TMUB2: variants seen among roughly 807,000 people sequenced by gnomAD.
The protein encoded by TMUB2 is transmembrane and ubiquitin-like domain-containing protein 2.
TMUB2 carries 19 observed loss-of-function variants against 20.2 expected under a neutral mutation model. That is an observed-to-expected ratio of 0.94 (90% CI 0.66 to 1.38). TMUB2 has a LOEUF of 1.38. Ranked by LOEUF, TMUB2 falls within the 40% of genes most tolerant of loss-of-function variation. TMUB2 has a pLI of 0.00. For missense variants in TMUB2, 426 were observed against 402.5 expected (o/e 1.06, Z -0.50); for synonymous variants, 186 against 166.0 (o/e 1.12, Z -0.92).
intron 2 of TMUB2, chr17:44,187,958 G>A (rs1474985381): frequency 3.5e-6 from 2 of 573,412 alleles, no homozygotes; most frequent in Non-Finnish European, 3.1e-6. Context: ...TCAGTACCAA[G>A]AGAAATACAT....
At chr17:44,188,089 G>T in intron 2 of TMUB2, 1 of 253,070 alleles carries the variant, frequency 4.0e-6, no homozygotes, top group South Asian at 6.0e-5. Flanking sequence ...TTTGCCCAGG[G>T]ACAGCTGTGA....
intron 2 of TMUB2, among the ~76,000 whole-genome samples, chr17:44,188,562 G>C (rs2054829351): frequency 6.6e-6 from 1 of 152,140 alleles, no homozygotes; most frequent in Non-Finnish European, 1.5e-5. Flanking sequence ...AGTGCTTCCA[G>C]GGGGGCCCCA....
In TMUB2 at chr17:44,191,465, AT is replaced by A. The variant is rs936725718; in HGVS notation, c.*608del. ...AAGCACTTTGCTTGCATTTTATTTT[AT>A]TTTTTTAAGAGTCCTTCATAGAGCT... On this transcript the variant is annotated 3_prime_UTR_variant, in exon 4 of 4. Coordinates refer to ENST00000538716, the MANE Select transcript of TMUB2 (RefSeq NM_001076674.3). 11 of 985,724 alleles carry A rather than the reference AT, an allele frequency of 1.1e-5. No homozygotes were observed. Among genetic ancestry groups the A allele is most frequent in the Middle Eastern group, 5.2e-4 (1 of 1,914 alleles). 61.1% of individuals were successfully genotyped at this position (985,724 alleles called of 1,614,324 possible). A position where few individuals can be genotyped will look rare whatever the true frequency, so the allele number is the denominator to read the frequency against.
At position 44,187,680 on chromosome 17, in the gene TMUB2, C is replaced by T. The variant is rs1212898610; in HGVS notation, c.-29C>T. The T allele has an allele frequency of 1.4e-6, 1 of 718,528 alleles. No homozygotes were observed. Among genetic ancestry groups the T allele is most frequent in the South Asian group, 1.5e-5 (1 of 67,600 alleles). The allele number at this position is 718,528 out of a possible 1,614,324, so 44.5% of individuals were successfully genotyped here. A position where few individuals can be genotyped will look rare whatever the true frequency, so the allele number is the denominator to read the frequency against. On this transcript the variant is annotated 5_prime_UTR_variant, in exon 2 of 4. Transcript: ENST00000538716. ...TTAAGCAATTGCAATTTGCAGTGTG[C>T]CAGGCACTGTGCCAAGTATTTTGCT... is the stretch of plus-strand genomic sequence containing the variant.
chr17:44,189,558 G>A lies in TMUB2; in HGVS notation c.572G>A (p.Arg191Lys), dbSNP rs1405484543. Residue 191 changes from arginine to lysine, a missense_variant, in exon 3 of 4, where the codon AGG (arginine) becomes AAG (lysine). Physicochemically the swap from Arg to Lys is conservative, Grantham distance 26 (BLOSUM62 2). Transcript: ENST00000538716. Reference sequence around the variant, plus strand: ...GATACCGAGGAGCTGGCTGTGGCTAGGCCAGAGGATACCGTGGGTGCCCTG... The same window carrying A: ...GATACCGAGGAGCTGGCTGTGGCTAAGCCAGAGGATACCGTGGGTGCCCTG... ...LNDTEELAVA[R>K]PEDTVGALKS... 2 of 1,606,746 alleles carry A rather than the reference G, an allele frequency of 1.2e-6. No individual in the cohort carries two copies. Among genetic ancestry groups the A allele is most frequent in the African/African-American group, 1.3e-5 (1 of 74,886 alleles).
intron 3 of TMUB2, 103 bp from the exon 4 acceptor site, chr17:44,190,398 C>T (rs2055342374): frequency 2.6e-6 from 3 of 1,150,002 alleles, no homozygotes; most frequent in Non-Finnish European, 3.6e-6. Context: ...AAAAAAAATC[C>T]ACCCTCCAGT....
At chr17:44,188,575 G>T (rs1451470638) in intron 2 of TMUB2, among the ~76,000 whole-genome samples, 1 of 152,194 alleles carries the variant, frequency 6.6e-6, no homozygotes, top group African/African-American at 2.4e-5. Context: ...GGGCCCCACA[G>T]TAAAATATTC....
At chr17:44,188,107 A>G (rs2054746932) in intron 2 of TMUB2, 1 of 231,270 alleles carries the variant, frequency 4.3e-6, no homozygotes, top group Admixed American at 5.2e-5. Flanking sequence ...TGAAAGCAGC[A>G]GATTCTCCAA....
intron 1 of TMUB2, chr17:44,187,475 C>T: frequency 3.4e-6 from 2 of 580,322 alleles, no homozygotes; most frequent in Non-Finnish European, 6.2e-6. Flanking sequence ...GAGCAAAGAC[C>T]CCTGAGGCCG....
intron 3 of TMUB2, 62 bp downstream of exon 3, chr17:44,189,650 A>G: frequency 6.9e-7 from 1 of 1,449,428 alleles, no homozygotes; most frequent in Non-Finnish European, 9.2e-7. Flanking sequence ...GTTGCCTCTA[A>G]GGAGGCTGGT....
chr17:44,189,122 A>T lies in TMUB2; in HGVS notation c.136A>T (p.Ile46Phe). 6.2e-7 allele frequency: 1 copy of T among 1,613,976 alleles called. No homozygotes were observed. Among genetic ancestry groups the T allele is most frequent in the South Asian group, 1.1e-5 (1 of 91,072 alleles). The change falls in exon 3 of 4, where the codon ATT (isoleucine) becomes TTT (phenylalanine). Residue 46 changes from isoleucine to phenylalanine, a missense_variant. Physicochemically the swap from Ile to Phe is conservative, Grantham distance 21. Transcript: ENST00000538716. The part of the protein sequence containing the change: ...VMVVAGVVVL[I>F]LALVLAWLST... The stretch of plus-strand genomic sequence containing the variant: ...GGTGGTGGCAGGTGTGGTGGTGCTG[A>T]TTCTAGCCTTGGTCCTAGCTTGGCT...
chr17:44,188,866 G>C, intron 2 of TMUB2, 156 bp from the exon 3 acceptor site: 15 of 1,312,102 alleles, frequency 1.1e-5, no homozygotes, highest in Non-Finnish European at 1.5e-5. Context: ...GTTTAGGTTG[G>C]GGTGCCGGAA....
chr17:44,187,020 C>T lies in TMUB2; in HGVS notation c.-123C>T, dbSNP rs1240274430. The T allele has an allele frequency of 1.3e-5, 2 of 152,668 alleles. No homozygotes were observed. Among genetic ancestry groups the T allele is most frequent in the Non-Finnish European group, 2.9e-5 (2 of 68,174 alleles). 9.5% of individuals were successfully genotyped at this position (152,668 alleles called of 1,614,324 possible). On this transcript the variant is annotated 5_prime_UTR_variant, in exon 1 of 4. Transcript: ENST00000538716. ...AGAGACCGGACCCTGAACAGAATCG[C>T]AGATTGCCAGCCCTTTTCCCGACCC... is the stretch of plus-strand genomic sequence containing the variant.
chr17:44,189,262 C>T lies in TMUB2; in HGVS notation c.276C>T (p.Gly92=). ...GHVDHLVAGQ[G]NPEPTELPHP... ...TGGACCACCTGGTGGCAGGCCAAGG[C>T]AACCCCGAGCCAACTGAACTCCCCC... The change falls in exon 3 of 4, where the codon GGC becomes GGT. Residue 92 remains glycine, a synonymous_variant. Coordinates refer to ENST00000538716, the MANE Select transcript of TMUB2 (RefSeq NM_001076674.3). 2 of 1,607,490 alleles carry T rather than the reference C, an allele frequency of 1.2e-6. No individual in the cohort carries two copies. Among genetic ancestry groups the T allele is most frequent in the East Asian group, 2.2e-5 (1 of 44,844 alleles).
At chr17:44,187,628 G>A in intron 1 of TMUB2, 48 bp from the exon 2 acceptor site, 1 of 714,414 alleles carries the variant, frequency 1.4e-6, no homozygotes, top group Non-Finnish European at 2.6e-6. Flanking sequence ...GGTTAGTTGT[G>A]GTTGTGATAA....
In TMUB2 at chr17:44,189,039, G is replaced by A; in HGVS notation, c.53G>A (p.Ser18Asn). The A allele has an allele frequency of 6.2e-7, 1 of 1,613,500 alleles. No homozygotes were observed. Among genetic ancestry groups the A allele is most frequent in the Non-Finnish European group, 8.5e-7 (1 of 1,179,718 alleles). ...TCCTGCAGCGTGGACCCTGCCAGCA[G>A]CCAGGCCATGGAGCTCTCTGATGTC... ...NNLMSVDPAS[S>N]QAMELSDVTL... Residue 18 changes from serine to asparagine, a missense_variant, in exon 3 of 4, where the codon AGC (serine) becomes AAC (asparagine). Physicochemically the swap from Ser to Asn is conservative, Grantham distance 46 (BLOSUM62 1). Coordinates refer to ENST00000538716, the MANE Select transcript of TMUB2 (RefSeq NM_001076674.3).
At position 44,190,775 on chromosome 17, in the gene TMUB2, C is replaced by T. The variant is rs370852137; in HGVS notation, c.877C>T (p.Arg293Cys). The T allele has an allele frequency of 1.4e-5, 23 of 1,614,074 alleles. No homozygotes were observed. The African/African-American group carries it at 1.6e-4, about 11-fold the overall frequency. ...GVVWYFRINY[R>C]QFFTAPATVS... is the part of the protein sequence containing the mutation. ...GGTCTGGTACTTCCGAATCAATTAC[C>T]GCCAATTCTTCACAGCACCTGCCAC... The change falls in exon 4 of 4, where the codon CGC (arginine) becomes TGC (cysteine). Residue 293 changes from arginine (R) to cysteine (C), a missense_variant. Physicochemically the swap from Arg to Cys is radical, Grantham distance 180. Coordinates refer to ENST00000538716, the MANE Select transcript of TMUB2 (RefSeq NM_001076674.3).
Position 44,190,706 on chromosome 17 carries a change from G to C in TMUB2, c.808G>C (p.Val270Leu). The C allele has an allele frequency of 6.2e-7, 1 of 1,614,206 alleles. No homozygotes were observed. Among genetic ancestry groups the C allele is most frequent in the Non-Finnish European group, 8.5e-7 (1 of 1,180,046 alleles). Residue 270 changes from valine (V) to leucine (L), a missense_variant, in exon 4 of 4, where the codon GTG becomes CTG. Transcript: ENST00000538716. ...TGAGCCACCCAGCCTTGGTGTCAAT[G>C]TGGGCAGCCTCATGGTGCCTGTCTT... ...ATEPPSLGVNVGSLMVPVFVV... is the reference protein window; with the variant it reads ...ATEPPSLGVNLGSLMVPVFVV...
intron 3 of TMUB2, chr17:44,190,120 G>GGA (rs901397663): frequency 5.5e-6 from 1 of 181,258 alleles, no homozygotes; most frequent in African/African-American, 2.4e-5. Flanking sequence ...GCCAAGGCGG[G>GGA]CAGATCACAA....
Sources: allele counts gnomAD v4.1 joint callset (sites outside exome capture counted in the v4.1 genomes callset), GRCh38; gene constraint gnomAD v4.1.1; transcripts MANE v1.5; gene names NCBI Gene and HGNC (gene_info 2026-07-23, HGNC 2026-07-21).